The following IL23R variants were observed in gnomAD, a reference collection of about 807,000 sequenced individuals.
IL23R encodes the protein interleukin 23 receptor.
Under a neutral mutation model 56.9 loss-of-function variants are expected in IL23R, and 34 were observed. The ratio of observed to expected loss-of-function variants is 0.60; its 90% CI spans 0.45 to 0.80. The LOEUF (loss-of-function observed/expected upper bound fraction) is 0.80. Ranked by LOEUF, IL23R falls within the 30% of genes least tolerant of loss-of-function variation. IL23R has a pLI of 0.00. For synonymous variants in IL23R, 230 were observed against 249.2 expected (o/e 0.92, Z 0.73); for missense variants, 635 against 730.0 (o/e 0.87, Z 1.50).
intron 7 of IL23R, among the ~76,000 whole-genome samples, chr1:67,226,603 A>T (rs4655693): frequency 0.85 from 129,339 of 152,186 alleles, 55,236 homozygotes; most frequent in East Asian, 0.99. Flanking sequence ...GGAGTTTATG[A>T]GGGTACAGGA....
At chr1:67,247,623 G>A (rs1036808751) in intron 9 of IL23R, among the ~76,000 whole-genome samples, 5 of 152,088 alleles carry the variant, frequency 3.3e-5, no homozygotes, top group African/African-American at 1.2e-4. Context: ...TACATTTAAG[G>A]TTAATATTGT....
intron 7 of IL23R, among the ~76,000 whole-genome samples, chr1:67,236,359 G>A (rs112910229): frequency 1.3e-5 from 2 of 152,220 alleles, no homozygotes; most frequent in Non-Finnish European, 2.9e-5. Context: ...TCAATTGCAA[G>A]GAATCAAATA....
chr1:67,142,168 T>G (rs948252932), intron 1 of IL23R, among the ~76,000 whole-genome samples: 1 of 152,236 alleles, frequency 6.6e-6, no homozygotes, highest in African/African-American at 2.4e-5. Flanking sequence ...AATTGGTTTT[T>G]CTTACATACA....
upstream of IL23R, among the ~76,000 whole-genome samples, chr1:67,165,838 C>T (rs940504139): frequency 6.6e-6 from 1 of 151,916 alleles, no homozygotes; most frequent in South Asian, 2.1e-4. Flanking sequence ...AGCTATTGGT[C>T]GAAGGGCATA....
At chr1:67,147,325 T>C (rs1646688149) in intron 1 of IL23R, among the ~76,000 whole-genome samples, 1 of 152,188 alleles carries the variant, frequency 6.6e-6, no homozygotes, top group African/African-American at 2.4e-5. Context: ...TTTCACATAG[T>C]GAGTTTGAGT....
chr1:67,229,631 A>C (rs755539276), intron 7 of IL23R, among the ~76,000 whole-genome samples: 1 of 152,178 alleles, frequency 6.6e-6, no homozygotes, highest in Non-Finnish European at 1.5e-5. Context: ...CCCCATCCTG[A>C]AACTACATAG....
At position 67,259,871 on chromosome 1, in the gene IL23R, G is replaced by A. The variant is rs1653140482; in HGVS notation, c.*743G>A. Reference sequence around the variant, plus strand: ...CCCAGCTACTTGGGAGGCTGAGGCAGGAGAATCACTTGAACCAGGAAGGCA... The same window carrying A: ...CCCAGCTACTTGGGAGGCTGAGGCAAGAGAATCACTTGAACCAGGAAGGCA... On this transcript the variant is annotated 3_prime_UTR_variant, in exon 11 of 11. Transcript: ENST00000347310. 6.7e-6 allele frequency: 1 copy of A among 148,262 alleles called. No individual in the cohort carries two copies. The highest frequency in any genetic ancestry group is 2.5e-5 in the African/African-American group (1 of 39,980). The allele number at this position is 148,262 out of a possible 1,614,324, so 9.2% of individuals were successfully genotyped here. A position where few individuals can be genotyped will look rare whatever the true frequency, so the allele number is the denominator to read the frequency against.
In IL23R at chr1:67,258,459, T is replaced by C; in HGVS notation, c.1240-19T>C. 6.3e-7 allele frequency: 1 copy of C among 1,582,426 alleles called. No homozygotes were observed. Among genetic ancestry groups the C allele is most frequent in the Non-Finnish European group, 8.6e-7 (1 of 1,159,830 alleles). ...TTTAAATGTCTTTTGCAAAATAAAA[T>C]GATGTCTTTTTTTCCTAGGAAAATA... is the stretch of plus-strand genomic sequence containing the variant. On this transcript the variant is annotated intron_variant, in intron 10 of 10. Coordinates refer to ENST00000347310, the MANE Select transcript of IL23R (RefSeq NM_144701.3).
chr1:67,175,044 A>G (rs376879915), intron 3 of IL23R, among the ~76,000 whole-genome samples: 6 of 151,524 alleles, frequency 4.0e-5, no homozygotes, highest in East Asian at 3.9e-4. Flanking sequence ...CCAAAGGCAC[A>G]CTCCTATTAG....
chr1:67,255,668 G>T (rs1045132283), intron 9 of IL23R, among the ~76,000 whole-genome samples, 169 bp from the exon 10 acceptor site: 8 of 151,996 alleles, frequency 5.3e-5, no homozygotes, highest in African/African-American at 1.7e-4. Context: ...CGAACTCCTG[G>T]ACTCAAGCAA....
intron 6 of IL23R, among the ~76,000 whole-genome samples, chr1:67,209,282 T>C (rs1355748580): frequency 6.6e-6 from 1 of 152,178 alleles, no homozygotes; most frequent in Non-Finnish European, 1.5e-5. Context: ...GGGGGACAAT[T>C]GGGAAGGCAT....
At chr1:67,242,857 C>T (rs1373898229) in intron 9 of IL23R, among the ~76,000 whole-genome samples, 2 of 152,132 alleles carry the variant, frequency 1.3e-5, no homozygotes, top group East Asian at 3.8e-4. Flanking sequence ...AACCAGAAAA[C>T]ATGCATTGAA....
chr1:67,182,229 G>A (rs1164908541), intron 3 of IL23R, among the ~76,000 whole-genome samples: 2 of 152,220 alleles, frequency 1.3e-5, no homozygotes, highest in African/African-American at 4.8e-5. Flanking sequence ...TGCCCCCGGA[G>A]GTGGAGTCTA....
intron 10 of IL23R, among the ~76,000 whole-genome samples, chr1:67,256,980 A>G (rs887804434): frequency 2.6e-5 from 4 of 152,020 alleles, no homozygotes; most frequent in Non-Finnish European, 4.4e-5. Context: ...TTCCAGCTTT[A>G]CTCCAGCCAC....
chr1:67,258,784 T>G lies in IL23R; in HGVS notation c.1546T>G (p.Leu516Val). The change falls in exon 11 of 11, where the codon TTA becomes GTA. Residue 516 changes from leucine to valine, a missense_variant. Coordinates refer to ENST00000347310, the MANE Select transcript of IL23R (RefSeq NM_144701.3). ...AACACTTAAACCACCAGTTGATTCCTTAGACTCAGGAAATAATCCCAGGTT... is the reference window on the plus strand; with the variant it reads ...AACACTTAAACCACCAGTTGATTCCGTAGACTCAGGAAATAATCCCAGGTT... ...SLTLKPPVDS[L>V]DSGNNPRLQK... is the part of the protein sequence containing the mutation. The G allele has an allele frequency of 6.2e-7, 1 of 1,611,400 alleles. No individual in the cohort carries two copies. The highest frequency in any genetic ancestry group is 1.7e-4 in the Middle Eastern group (1 of 6,046).
intron 1 of IL23R, among the ~76,000 whole-genome samples, chr1:67,153,411 C>T (rs552717853): frequency 2.0e-5 from 3 of 151,666 alleles, no homozygotes; most frequent in Non-Finnish European, 2.9e-5. Flanking sequence ...CTGGATTCAT[C>T]GATTTTTTGA....
At chr1:67,220,888 T>C (rs976274269) in intron 7 of IL23R, among the ~76,000 whole-genome samples, 2 of 152,148 alleles carry the variant, frequency 1.3e-5, no homozygotes, top group African/African-American at 4.8e-5. Context: ...ACAGATGCGG[T>C]CCACCATGCT....
At position 67,248,420 on chromosome 1, in the gene IL23R, G is replaced by T. The variant is rs1652386890; in HGVS notation, c.1149-7417G>T. On this transcript the variant is annotated intron_variant, in intron 9 of 10. Transcript: ENST00000347310. ...TTGATTGACTCAGCTATTGATACTT[G>T]TGTATGCTTCACGAAGTTCTTGTGC... Among the ~76,000 whole-genome samples the T allele has an allele frequency of 7.2e-5, 11 of 152,044 alleles. No individual in the cohort carries two copies. In the South Asian group the frequency reaches 2.3e-3, roughly 32 times the overall value.
chr1:67,172,314 T>C (rs1275081118), intron 3 of IL23R, among the ~76,000 whole-genome samples: 1 of 152,212 alleles, frequency 6.6e-6, no homozygotes, highest in African/African-American at 2.4e-5. Context: ...AAAATGATTA[T>C]ATGTATTTTT....
Sources: gnomAD v4.1 joint callset for allele counts (sites outside exome capture counted in the v4.1 genomes callset) on GRCh38, gnomAD v4.1.1 for gene constraint, MANE v1.5 for transcripts, NCBI Gene and HGNC (gene_info 2026-07-23, HGNC 2026-07-21) for gene names.